The following BMPR2 variants were observed in gnomAD, a reference collection of about 807,000 sequenced individuals.
BMPR2 encodes the protein bone morphogenetic protein receptor type-2.
BMPR2 carries 29 observed loss-of-function variants against 100.8 expected under a neutral mutation model. The observed-to-expected ratio is 0.29, with a 90% confidence interval of 0.21 to 0.39. The LOEUF is 0.39. Ranked by LOEUF, BMPR2 falls within the 10% of genes least tolerant of loss-of-function variation. BMPR2 has a pLI of 1.00. For missense variants in BMPR2, 1,011 were observed against 1,274.5 expected, an observed-to-expected ratio of 0.79 and a Z score of 3.15; for synonymous variants, 382 against 442.3, an observed-to-expected ratio of 0.86 and a Z score of 1.71.
intron 7 of BMPR2, among the ~76,000 whole-genome samples, chr2:202,526,276 A>G (rs893819236): frequency 2.6e-5 from 4 of 152,012 alleles, no homozygotes; most frequent in Admixed American, 6.6e-5. Context: ...GCTTTCTTCT[A>G]CCCTCATCCC....
chr2:202,554,982 TTAAC>T, intron 11 of BMPR2, among the ~76,000 whole-genome samples: 1 of 152,314 alleles, frequency 6.6e-6, no homozygotes, highest in East Asian at 1.9e-4. Flanking sequence ...GATTTTTTAA[TTAAC>T]TTATAAACCA....
chr2:202,531,810 T>C (rs1057289586), intron 8 of BMPR2, among the ~76,000 whole-genome samples: 2 of 150,826 alleles, frequency 1.3e-5, no homozygotes, highest in Non-Finnish European at 3.0e-5. Context: ...TTTTGTAATT[T>C]TAGTAGATAC....
intron 1 of BMPR2, among the ~76,000 whole-genome samples, chr2:202,440,028 G>A (rs1047215005): frequency 6.6e-6 from 1 of 150,398 alleles, no homozygotes; most frequent in Non-Finnish European, 1.5e-5. Flanking sequence ...AGAGAGCAGC[G>A]GGTTGGGGGT....
At chr2:202,440,377 G>C (rs1438144553) in intron 1 of BMPR2, among the ~76,000 whole-genome samples, 1 of 148,964 alleles carries the variant, frequency 6.7e-6, no homozygotes, top group African/African-American at 2.6e-5. Context: ...CGGGGCGGCG[G>C]GGCAGAGGCG....
At chr2:202,391,820 G>A (rs1000108294) in intron 1 of BMPR2, among the ~76,000 whole-genome samples, 4 of 151,540 alleles carry the variant, frequency 2.6e-5, no homozygotes, top group African/African-American at 9.7e-5. Context: ...GGAGTGCAGT[G>A]GCGCAATCTT....
At position 202,503,844 on chromosome 2, in the gene BMPR2, G is replaced by A. The variant is rs1393385480; in HGVS notation, c.419-9875G>A. Among the ~76,000 whole-genome samples, 1 of 152,222 alleles carries A rather than the reference G, an allele frequency of 6.6e-6. No homozygotes were observed. Among genetic ancestry groups the A allele is most frequent in the Non-Finnish European group, 1.5e-5 (1 of 68,028 alleles). On this transcript the variant is annotated intron_variant, in intron 3 of 12. Coordinates refer to ENST00000374580, the MANE Select transcript of BMPR2 (RefSeq NM_001204.7). This position sits in a 1 kb window ranked among gnomAD's most constrained non-coding sequence, Gnocchi z 4.0. ...AGCCAGCTGGGCTCCTGAGTCTGGT[G>A]GGGACATGGAGAACCTTTATGTCTA...
intron 5 of BMPR2, among the ~76,000 whole-genome samples, chr2:202,515,407 G>C (rs1687694397): frequency 6.7e-6 from 1 of 150,252 alleles, no homozygotes; most frequent in Non-Finnish European, 1.5e-5. Flanking sequence ...CCCTGTCTCT[G>C]CTAAAAATAC....
rs373024583 is a variant in BMPR2 at position 202,413,691 on chromosome 2, G to T, written c.76+36141G>T. Reference sequence around the variant, plus strand: ...TATTACTTTTTTTTTTTGAGATAGGGTCTCACTCTGTTGCCCAGGCTGGAG... The same window carrying T: ...TATTACTTTTTTTTTTTGAGATAGGTTCTCACTCTGTTGCCCAGGCTGGAG... On this transcript the variant is annotated intron_variant, in intron 1 of 12. Transcript: ENST00000374580. Among the ~76,000 whole-genome samples, 8 of 151,252 alleles carry T rather than the reference G, an allele frequency of 5.3e-5. No homozygotes were observed. The South Asian group carries it at 1.0e-3, about 20-fold the overall frequency.
At chr2:202,391,498 GC>G (rs896791590) in intron 1 of BMPR2, among the ~76,000 whole-genome samples, 2 of 146,986 alleles carry the variant, frequency 1.4e-5, no homozygotes, top group Non-Finnish European at 3.0e-5. Context: ...AGAGATGGGG[GC>G]TAGGCTGCTC....
intron 3 of BMPR2, among the ~76,000 whole-genome samples, chr2:202,485,543 A>ATTTTTTTTTTTTTTTTTTT (rs1574472655): frequency 2.8e-4 from 4 of 14,050 alleles, no homozygotes; most frequent in Non-Finnish European, 3.8e-4. Flanking sequence ...CTTTGCCTTT[A>ATTTTTTTTTTTTTTTTTTT]TCTTTTTTTT....
rs1688682085 is a variant in BMPR2 at position 202,561,785 on chromosome 2, CCTT to C, written c.*1842_*1844del. ...TATTTGTGATTTACTTGTATATAAGCCTTCTCATTTGCCATGTGCTGTGATCTT... is the reference window on the plus strand; with the variant it reads ...TATTTGTGATTTACTTGTATATAAGCCTCATTTGCCATGTGCTGTGATCTT... On this transcript the variant is annotated 3_prime_UTR_variant, in exon 13 of 13. Transcript: ENST00000374580. 2 of 152,116 alleles carry C rather than the reference CCTT, an allele frequency of 1.3e-5. No homozygotes were observed. Among genetic ancestry groups the C allele is most frequent in the Non-Finnish European group, 2.9e-5 (2 of 67,988 alleles). 9.4% of individuals were successfully genotyped at this position (152,116 alleles called of 1,614,324 possible).
intron 2 of BMPR2, among the ~76,000 whole-genome samples, 161 bp downstream of exon 2, chr2:202,465,140 CT>C (rs1559046704): frequency 6.6e-6 from 1 of 152,120 alleles, no homozygotes; most frequent in African/African-American, 2.4e-5. Context: ...AATTCCAGCA[CT>C]TTTCGAGGCT....
intron 11 of BMPR2, among the ~76,000 whole-genome samples, chr2:202,553,187 A>G (rs1192568200): frequency 6.6e-6 from 1 of 152,082 alleles, no homozygotes; most frequent in Non-Finnish European, 1.5e-5. Context: ...TATAACTCCA[A>G]AAGTTCATAA....
Position 202,535,792 on chromosome 2 carries a change from A to G in BMPR2, c.1276+3060A>G, listed in dbSNP as rs77389854. 2.5e-3 allele frequency among the ~76,000 whole-genome samples: 375 copies of G among 152,306 alleles called. 3 individuals are homozygous for G. The highest frequency in any genetic ancestry group is 8.3e-3 in the African/African-American group (346 of 41,582). ...CACGCCACTGCACTCCAGCCTGGGC[A>G]CCATTGAGCACTGAGTGAACGAGAC... On this transcript the variant is annotated intron_variant, in intron 9 of 12. Transcript: ENST00000374580.
In BMPR2 at chr2:202,376,511, AGGCGGCGGCGGC is replaced by A. The variant is rs375624016; in HGVS notation, c.-939_-928del. ...AGGAGCCCAGAGCTGCGGGAGAACGAGGCGGCGGCGGCGGCGGCGGCGGCGGCGGCGGCGGCA... is the reference window on the plus strand; with the variant it reads ...AGGAGCCCAGAGCTGCGGGAGAACGAGGCGGCGGCGGCGGCGGCGGCGGCA... On this transcript the variant is annotated 5_prime_UTR_variant, in exon 1 of 13. Coordinates refer to ENST00000374580, the MANE Select transcript of BMPR2 (RefSeq NM_001204.7). 2.9e-3 allele frequency among the ~76,000 whole-genome samples: 359 copies of A among 125,856 alleles called. 2 individuals carry two copies. Among genetic ancestry groups the A allele is most frequent in the Admixed American group, 7.7e-3 (91 of 11,818 alleles). The allele number at this position is 125,856 out of a possible 152,430, so 82.6% of individuals were successfully genotyped here. A position where few individuals can be genotyped will look rare whatever the true frequency, so the allele number is the denominator to read the frequency against.
intron 3 of BMPR2, among the ~76,000 whole-genome samples, chr2:202,512,963 A>T (rs1272721690): frequency 2.1e-5 from 3 of 143,112 alleles, no homozygotes; most frequent in African/African-American, 7.7e-5. Flanking sequence ...AAAAACTTTA[A>T]TTTTTTTTTT....
intron 11 of BMPR2, among the ~76,000 whole-genome samples, chr2:202,554,462 T>A (rs777020008): frequency 6.6e-6 from 1 of 152,140 alleles, no homozygotes; most frequent in African/African-American, 2.4e-5. Flanking sequence ...TAACTCTAGG[T>A]TTTATTTTCC....
chr2:202,384,578 C>CTTTCTTTTTCTTTCTTTTCTTTG (rs1559020868), intron 1 of BMPR2, among the ~76,000 whole-genome samples: 2 of 60,232 alleles, frequency 3.3e-5, no homozygotes, highest in Non-Finnish European at 7.4e-5. Context: ...CTTTTTCTTT[C>CTTTCTTTTTCTTTCTTTTCTTTG]TTTTCTTTCT....
Position 202,464,914 on chromosome 2 carries a change from C to G in BMPR2, c.182C>G (p.Ser61Trp). 2 of 1,613,956 alleles carry G rather than the reference C, an allele frequency of 1.2e-6. No individual in the cohort carries two copies. Among genetic ancestry groups the G allele is most frequent in the Non-Finnish European group, 1.7e-6 (2 of 1,180,012 alleles). The change falls in exon 2 of 13, where the codon TCG becomes TGG. Residue 61 changes from serine (S) to tryptophan (W), a missense_variant. By Grantham distance (177) the Ser-to-Trp change is radical. Coordinates refer to ENST00000374580, the MANE Select transcript of BMPR2 (RefSeq NM_001204.7). ...CATGAAAATGGGACAATATTATGCT[C>G]GAAAGGTAGCACCTGCTATGGCCTT... The part of the protein sequence containing the change: ...ISHENGTILC[S>W]KGSTCYGLWE...
Sources: allele counts gnomAD v4.1 joint callset (sites outside exome capture counted in the v4.1 genomes callset), GRCh38; gene constraint gnomAD v4.1.1; non-coding constraint Gnocchi (gnomAD v3.1); transcripts MANE v1.5; gene names NCBI Gene and HGNC (gene_info 2026-07-23, HGNC 2026-07-21).